The following BUD23 variants were observed in gnomAD, a reference collection of about 807,000 sequenced individuals.
BUD23 encodes BUD23 rRNA methyltransferase and ribosome maturation factor.
BUD23 carries 34 observed loss-of-function variants against 47.0 expected under a neutral mutation model. The ratio of observed to expected loss-of-function variants is 0.72; its 90% CI spans 0.55 to 0.96. The LOEUF (loss-of-function observed/expected upper bound fraction) is 0.96. BUD23 is among the 40% of genes least tolerant of loss of function. The pLI, the probability that BUD23 is intolerant of heterozygous loss-of-function variation, is 0.00. For missense variants in BUD23, 343 were observed against 361.2 expected (o/e 0.95, Z 0.41); for synonymous variants, 124 against 132.0 (o/e 0.94, Z 0.41).
At chr7:73,692,445 A>C (rs1798228369) in intron 6 of BUD23, 151 bp from the exon 7 acceptor site, 1 of 569,858 alleles carries the variant, frequency 1.8e-6, no homozygotes, top group African/African-American at 1.9e-5. Context: ...GTTCAGGGTG[A>C]TCTCTTTTGT....
chr7:73,697,850 C>T lies in BUD23; in HGVS notation c.810C>T (p.Thr270=), dbSNP rs1798489353. Residue 270 remains threonine (T), a synonymous_variant, in exon 12 of 12, where the codon ACC becomes ACT. Transcript: ENST00000265758. ...TGCACAGGGAAGTCAGACCTGACAC[C>T]CAGTACACCGGCCGCAAGCGCAAGC... ...RRQGREVRPD[T]QYTGRKRKPR... The T allele has an allele frequency of 6.2e-7, 1 of 1,613,960 alleles. No homozygotes were observed. Among genetic ancestry groups the T allele is most frequent in the Non-Finnish European group, 8.5e-7 (1 of 1,179,990 alleles).
chr7:73,686,157 G>C (rs11762191), intron 2 of BUD23, among the ~76,000 whole-genome samples: 74,416 of 151,720 alleles, frequency 0.49, 18,549 homozygotes, highest in Middle Eastern at 0.63. Flanking sequence ...GTTTCTTCTT[G>C]ACTGGCTATT....
intron 10 of BUD23, 35 bp downstream of exon 10, chr7:73,694,085 C>CG: frequency 6.3e-7 from 1 of 1,588,768 alleles, no homozygotes; most frequent in South Asian, 1.1e-5. Flanking sequence ...CCGGCTGCAG[C>CG]GGGGGCTGCC....
At chr7:73,684,463 CT>C (rs1272827875) in intron 2 of BUD23, among the ~76,000 whole-genome samples, 1 of 149,624 alleles carries the variant, frequency 6.7e-6, no homozygotes, top group South Asian at 2.3e-4. Context: ...CTACGCCTGG[CT>C]TTTTTTTGTA....
intron 9 of BUD23, 34 bp downstream of exon 9, chr7:73,693,703 T>G (rs1401097347): frequency 1.2e-6 from 2 of 1,613,338 alleles, no homozygotes; most frequent in Non-Finnish European, 1.7e-6. Flanking sequence ...CAGGCCTGTG[T>G]CTTTTGACTT....
Position 73,686,718 on chromosome 7 carries a change from C to G in BUD23, c.169C>G (p.Leu57Val). ...TCTGCCAGAGAATAAGCCCTGTTAC[C>G]TGCTGGATATTGGGTGAGATTCTGG... ...LYLPENKPCY[L>V]LDIGCGTGLS... Residue 57 changes from leucine (L) to valine (V), a missense_variant, in exon 3 of 12, where the codon CTG (leucine) becomes GTG (valine). By Grantham distance (32) the Leu-to-Val change is conservative (BLOSUM62 1). Transcript: ENST00000265758. 1.2e-6 allele frequency: 2 copies of G among 1,614,164 alleles called. No individual in the cohort carries two copies. Among genetic ancestry groups the G allele is most frequent in the South Asian group, 2.2e-5 (2 of 91,082 alleles).
rs145300786 is a variant in BUD23 at position 73,690,957 on chromosome 7, C to T, written c.404C>T (p.Ser135Phe). The T allele has an allele frequency of 6.2e-7, 1 of 1,614,178 alleles. No homozygotes were observed. The highest frequency in any genetic ancestry group is 8.5e-7 in the Non-Finnish European group (1 of 1,180,042). Reference protein sequence around the residue: ...VQWLCNANKKSENPAKRLYCF... With the variant: ...VQWLCNANKKFENPAKRLYCF... ...TGGCTCTGTAATGCTAACAAGAAGT[C>T]TGAAAACCCTGCCAAGCGCCTGTAC... The change falls in exon 6 of 12, where the codon TCT becomes TTT. Residue 135 changes from serine (S) to phenylalanine (F), a missense_variant. Physicochemically the swap from Ser to Phe is radical, Grantham distance 155. Coordinates refer to ENST00000265758, the MANE Select transcript of BUD23 (RefSeq NM_017528.5).
At chr7:73,697,436 G>T in intron 10 of BUD23, 169 bp from the exon 11 acceptor site, 1 of 1,537,596 alleles carries the variant, frequency 6.5e-7, no homozygotes, top group South Asian at 1.2e-5. Flanking sequence ...TCAGGAAGGA[G>T]GGTGTCCAGA....
At chr7:73,693,783 G>A (rs1241491388) in intron 9 of BUD23, 114 bp downstream of exon 9, 1 of 1,461,942 alleles carries the variant, frequency 6.8e-7, no homozygotes, top group East Asian at 2.3e-5. Flanking sequence ...CCCAGCCCCA[G>A]AGTGCAGACC....
chr7:73,690,782 A>G, intron 5 of BUD23, 134 bp from the exon 6 acceptor site: 1 of 699,970 alleles, frequency 1.4e-6, no homozygotes, highest in South Asian at 1.8e-5. Flanking sequence ...CTCAACCTGC[A>G]CTTTCTAAGA....
At chr7:73,697,155 C>T (rs956504155) in intron 10 of BUD23, 13 of 430,266 alleles carry the variant, frequency 3.0e-5, no homozygotes, top group African/African-American at 2.2e-4. Context: ...CCTCATACCC[C>T]TCAGTCCTTC....
intron 10 of BUD23, 41 bp downstream of exon 10, chr7:73,694,091 C>A (rs1554614538): frequency 1.3e-6 from 2 of 1,585,714 alleles, no homozygotes; most frequent in Non-Finnish European, 8.5e-7. Flanking sequence ...GCAGCGGGGG[C>A]TGCCACATTT....
At chr7:73,688,423 G>A (rs112346227) in intron 5 of BUD23, among the ~76,000 whole-genome samples, 5,344 of 152,328 alleles carry the variant, frequency 0.035, 92 homozygotes, top group African/African-American at 0.04. Flanking sequence ...TACAGATTCT[G>A]TGTCAGCTTT....
chr7:73,697,954 T>A lies in BUD23; in HGVS notation c.*68T>A. On this transcript the variant is annotated 3_prime_UTR_variant, in exon 12 of 12. Coordinates refer to ENST00000265758, the MANE Select transcript of BUD23 (RefSeq NM_017528.5). ...CTATATTGTTCAGCTGACAAAGTAG[T>A]ATTTTAGAAAAGTTCTAAAGTTATA... The A allele has an allele frequency of 6.5e-7, 1 of 1,536,072 alleles. No homozygotes were observed. The highest frequency in any genetic ancestry group is 8.8e-7 in the Non-Finnish European group (1 of 1,141,178).
chr7:73,684,957 A>G (rs1263241002), intron 2 of BUD23, among the ~76,000 whole-genome samples: 2 of 127,380 alleles, frequency 1.6e-5, no homozygotes, highest in South Asian at 2.7e-4. Context: ...AAAAAAAAAA[A>G]AAGATACTTT....
chr7:73,696,567 A>G (rs1428672372), intron 10 of BUD23: 2 of 152,198 alleles, frequency 1.3e-5, no homozygotes, highest in African/African-American at 4.8e-5. Flanking sequence ...GTACCTTGCC[A>G]TCCCTCGTTC....
intron 1 of BUD23, 25 bp downstream of exon 1, chr7:73,683,698 C>T (rs375597149): frequency 1.1e-5 from 17 of 1,613,826 alleles, no homozygotes; most frequent in Non-Finnish European, 1.4e-5. Context: ...CCGCGGACAC[C>T]CCTCTCCCCA....
At chr7:73,693,051 C>T (rs1798254169) in intron 7 of BUD23, 1 of 559,810 alleles carries the variant, frequency 1.8e-6, no homozygotes, top group African/African-American at 1.9e-5. Context: ...CTCTGGATTC[C>T]AATTGGTGGC....
At chr7:73,693,177 C>A (rs1489512189) in intron 7 of BUD23, 152 bp from the exon 8 acceptor site, 29 of 701,468 alleles carry the variant, frequency 4.1e-5, no homozygotes, top group Non-Finnish European at 3.6e-5. Flanking sequence ...AGATTCTAGC[C>A]TGTACTTTTC....
Sources: allele counts gnomAD v4.1 joint callset (sites outside exome capture counted in the v4.1 genomes callset), GRCh38; gene constraint gnomAD v4.1.1; transcripts MANE v1.5; gene names NCBI Gene and HGNC (gene_info 2026-07-23, HGNC 2026-07-21).